The following DMD variants were observed in gnomAD, a reference collection of about 807,000 sequenced individuals.
DMD encodes dystrophin.
In DMD, 63 loss-of-function variants were observed where a neutral mutation model predicts 330.1. The ratio of observed to expected loss-of-function variants is 0.19; its 90% confidence interval spans 0.16 to 0.24. The LOEUF (loss-of-function observed/expected upper bound fraction) is 0.24. Ranked by LOEUF, DMD falls within the 10% of genes least tolerant of loss-of-function variation. The probability of loss-of-function intolerance (pLI) is 1.00; values close to 1 mark genes in which losing one functional copy is unlikely to be tolerated. For synonymous variants in DMD, 1,223 were observed against 959.8 expected (o/e 1.27, Z -5.07); for missense variants, 3,344 against 2,684.1 (o/e 1.25, Z -5.43).
At chrX:32,889,031 G>A (rs925601497) in intron 2 of DMD, among the ~76,000 whole-genome samples, 5 of 110,587 alleles carry the variant, frequency 4.5e-5, no homozygotes, top group East Asian at 2.9e-4. Context: ...ACAAGAGTGT[G>A]TTCCTGAGAG....
intron 44 of DMD, among the ~76,000 whole-genome samples, chrX:32,211,942 T>A (rs189404362): frequency 8.9e-6 from 1 of 112,236 alleles, no homozygotes; most frequent in East Asian, 2.8e-4. Context: ...GTTTTAAAAC[T>A]TATTTTTTCC....
Position 31,444,536 on chromosome X carries a change from G to A in DMD, c.9029C>T (p.Ser3010Leu). ...RQLTTLGIQL[S>L]PYNLSTLEDL... ...TTCCAGAGTGCTGAGGTTATACGGTGAGAGCTGAATGCCCAAAGTGGTAAG... is the reference window on the plus strand; with the variant it reads ...TTCCAGAGTGCTGAGGTTATACGGTAAGAGCTGAATGCCCAAAGTGGTAAG... Residue 3010 changes from serine (S) to leucine (L), a missense_variant, in exon 60 of 79, where the codon TCA becomes TTA. By Grantham distance (145) the Ser-to-Leu change is moderately radical. Coordinates refer to ENST00000357033, the MANE Select transcript of DMD (RefSeq NM_004006.3). 3 of 1,211,853 alleles carry A rather than the reference G, an allele frequency of 2.5e-6. No homozygotes were observed. The highest frequency in any genetic ancestry group is 3.4e-6 in the Non-Finnish European group (3 of 895,484).
chrX:32,276,618 C>A (rs1486081083), intron 43 of DMD, among the ~76,000 whole-genome samples: 1 of 111,556 alleles, frequency 9.0e-6, no homozygotes, highest in Non-Finnish European at 1.9e-5. Context: ...ACTCTCCAAT[C>A]AAGAGAGATA....
At chrX:33,011,466 C>G (rs915403318) in intron 2 of DMD, among the ~76,000 whole-genome samples, 7 of 112,071 alleles carry the variant, frequency 6.2e-5, no homozygotes, top group African/African-American at 2.3e-4. Context: ...CTAAATGTCA[C>G]CATATTTTAA....
At chrX:32,197,786 C>A (rs1482595605) in intron 44 of DMD, among the ~76,000 whole-genome samples, 1 of 111,015 alleles carries the variant, frequency 9.0e-6, no homozygotes, top group Non-Finnish European at 1.9e-5. Context: ...TGTGGACTAG[C>A]TAAAATGAGC....
At chrX:31,211,758 T>C (rs2044699565) in intron 64 of DMD, among the ~76,000 whole-genome samples, 1 of 112,008 alleles carries the variant, frequency 8.9e-6, no homozygotes, top group Non-Finnish European at 1.9e-5. Context: ...ATGACACAGT[T>C]AGGAGAGAAA....
intron 4 of DMD, among the ~76,000 whole-genome samples, chrX:32,830,390 T>A (rs959737915): frequency 9.0e-6 from 1 of 111,593 alleles, no homozygotes; most frequent in Non-Finnish European, 1.9e-5. Context: ...TAAAACCTTT[T>A]AAAATCTGTG....
chrX:32,504,386 G>A (rs5972589), intron 18 of DMD, among the ~76,000 whole-genome samples: 3 of 110,992 alleles, frequency 2.7e-5, no homozygotes, highest in African/African-American at 9.9e-5. Flanking sequence ...CACTTTGGGG[G>A]GCCAACGCGG....
intron 2 of DMD, among the ~76,000 whole-genome samples, chrX:32,994,335 A>T (rs1363944993): frequency 1.3e-5 from 1 of 74,649 alleles, no homozygotes; most frequent in African/African-American, 6.0e-5. Flanking sequence ...CCCCAATTTA[A>T]AAAAAAAAAA....
At chrX:31,515,757 A>T (rs1356506019) in intron 55 of DMD, among the ~76,000 whole-genome samples, 1 of 111,911 alleles carries the variant, frequency 8.9e-6, no homozygotes, top group African/African-American at 3.2e-5. Flanking sequence ...GTAGCCCTTG[A>T]AGGCATCACC....
At chrX:31,845,326 AACATAAATATGTACAGAATCAT>A (rs1352465675) in intron 48 of DMD, among the ~76,000 whole-genome samples, 1 of 105,832 alleles carries the variant, frequency 9.4e-6, no homozygotes, top group Non-Finnish European at 1.9e-5. Context: ...ATGCTCTGTT[AACATAAATATGTACAGAATCAT>A]TCAGGTGTTA....
In DMD at chrX:31,432,906, C is replaced by A. The variant is rs183133618; in HGVS notation, c.9084+11575G>T. Among the ~76,000 whole-genome samples the A allele has an allele frequency of 3.6e-5, 4 of 112,096 alleles. No individual in the cohort carries two copies. In the East Asian group the frequency reaches 1.1e-3, roughly 31 times the overall value. On this transcript the variant is annotated intron_variant, in intron 60 of 78. Transcript: ENST00000357033. Reference sequence around the variant, plus strand: ...TTTGATATTTTATATTTTTAGATTTCAATTTTTATTTTAGACTCAAGGGGT... The same window carrying A: ...TTTGATATTTTATATTTTTAGATTTAAATTTTTATTTTAGACTCAAGGGGT...
Position 32,821,180 on chromosome X carries a change from G to T in DMD, c.357+2115C>A, listed in dbSNP as rs751734941. On this transcript the variant is annotated intron_variant, in intron 5 of 78. Coordinates refer to ENST00000357033, the MANE Select transcript of DMD (RefSeq NM_004006.3). ...GCATTAAGCCTGTTCAGAGAATTTG[G>T]AATAAAAATATATGGGGGCCAATTA... 6.3e-5 allele frequency among the ~76,000 whole-genome samples: 7 copies of T among 111,465 alleles called. No homozygotes were observed. In the South Asian group the frequency reaches 2.3e-3, roughly 36 times the overall value.
intron 7 of DMD, among the ~76,000 whole-genome samples, chrX:32,699,630 C>T (rs2063934081): frequency 9.0e-6 from 1 of 111,697 alleles, no homozygotes; most frequent in Non-Finnish European, 1.9e-5. Context: ...ATTACATTTT[C>T]CCTCCAATGG....
At chrX:32,712,271 A>G (rs906727280) in intron 7 of DMD, among the ~76,000 whole-genome samples, 1 of 111,440 alleles carries the variant, frequency 9.0e-6, no homozygotes, top group African/African-American at 3.3e-5. Flanking sequence ...TATGGTGCCT[A>G]TAGTCCAATG....
At chrX:32,682,745 T>G (rs1313928889) in intron 9 of DMD, among the ~76,000 whole-genome samples, 1 of 112,101 alleles carries the variant, frequency 8.9e-6, no homozygotes, top group Non-Finnish European at 1.9e-5. Flanking sequence ...CTTTGAGACA[T>G]GTAATACGAA....
At chrX:31,553,438 T>TGG (rs2074612643) in intron 55 of DMD, among the ~76,000 whole-genome samples, 1 of 112,048 alleles carries the variant, frequency 8.9e-6, no homozygotes, top group African/African-American at 3.2e-5. Flanking sequence ...TAATTGCGTT[T>TGG]TTTTTACCAT....
intron 48 of DMD, among the ~76,000 whole-genome samples, chrX:31,867,047 C>T (rs986753763): frequency 4.6e-5 from 5 of 108,282 alleles, no homozygotes; most frequent in Non-Finnish European, 9.6e-5. Context: ...TTGGTCTGCT[C>T]TTTTGAAATA....
At chrX:32,328,535 A>G (rs73462064) in intron 41 of DMD, among the ~76,000 whole-genome samples, 2,312 of 111,400 alleles carry the variant, frequency 0.021, 62 homozygotes, top group African/African-American at 0.072. Context: ...CCATACATAT[A>G]GGAGGTGATG....
Sources: gnomAD v4.1 joint callset for allele counts (sites outside exome capture counted in the v4.1 genomes callset) on GRCh38, gnomAD v4.1.1 for gene constraint, MANE v1.5 for transcripts, NCBI Gene and HGNC (gene_info 2026-07-23, HGNC 2026-07-21) for gene names.